VCAN: variants seen among roughly 807,000 people sequenced by gnomAD.
The protein encoded by VCAN is versican, also known as versican core protein.
In VCAN, 44 loss-of-function variants were observed where a neutral mutation model predicts 245.5. The observed-to-expected ratio is 0.18, with a 90% confidence interval of 0.14 to 0.23. The LOEUF (loss-of-function observed/expected upper bound fraction) is 0.23, where lower values mean the gene tolerates loss of function less well. Among genes scored for constraint, VCAN ranks in the 10% least tolerant of loss-of-function variants. The probability of loss-of-function intolerance (pLI) is 1.00; values close to 1 mark genes in which losing one functional copy is unlikely to be tolerated. For missense variants in VCAN, 3,793 were observed against 4,057.9 expected (o/e 0.93, Z 1.77); for synonymous variants, 1,413 against 1,437.0 (o/e 0.98, Z 0.38).
chr5:83,521,427 A>C lies in VCAN; in HGVS notation c.3121A>C (p.Thr1041Pro). The change falls in exon 7 of 15, where the codon ACT becomes CCT. Residue 1041 changes from threonine (T) to proline (P), a missense_variant. Physicochemically the swap from Thr to Pro is conservative, Grantham distance 38. This residue lies in a region of VCAN where 3,182 missense variants were observed against 3,250.3 expected (regional missense o/e 0.98). Coordinates refer to ENST00000265077, the MANE Select transcript of VCAN (RefSeq NM_004385.5). The stretch of plus-strand genomic sequence containing the variant: ...GGAAGAATTCCCTTGGAAAGAACAG[A>C]CTGCAGAGAAACCAGTTCCTGCTCT... ...TQEEFPWKEQ[T>P]AEKPVPALSS... 6.2e-7 allele frequency: 1 copy of C among 1,614,150 alleles called. No individual in the cohort carries two copies. Among genetic ancestry groups the C allele is most frequent in the Non-Finnish European group, 8.5e-7 (1 of 1,180,000 alleles).
chr5:83,558,669 C>T (rs964993601), intron 12 of VCAN, among the ~76,000 whole-genome samples: 4 of 152,090 alleles, frequency 2.6e-5, no homozygotes, highest in Non-Finnish European at 4.4e-5. Context: ...TTATGCTATA[C>T]AGCTAGACTA....
chr5:83,519,509 T>C lies in VCAN; in HGVS notation c.1203T>C (p.Ile401=), dbSNP rs767911188. 7.4e-6 allele frequency: 12 copies of C among 1,613,992 alleles called. No homozygotes were observed. In the South Asian group the frequency reaches 1.2e-4, roughly 16 times the overall value. The change falls in exon 7 of 15, where the codon ATT becomes ATC. Residue 401 remains isoleucine, a synonymous_variant. Transcript: ENST00000265077. ...CAGAGTTCCCTCCCGTGGGAAATAT[T>C]GTCAGTTTTGAACAGAAAGCCACAG... ...IPTEFPPVGN[I]VSFEQKATVQ...
chr5:83,513,909 C>A, intron 6 of VCAN, among the ~76,000 whole-genome samples: 1 of 152,082 alleles, frequency 6.6e-6, no homozygotes, highest in Admixed American at 6.6e-5. Context: ...TCCAGCCTGA[C>A]TTCCTTATTT....
chr5:83,548,131 T>G, intron 10 of VCAN, 47 bp downstream of exon 10: 3 of 1,524,934 alleles, frequency 2.0e-6, no homozygotes, highest in Non-Finnish European at 2.7e-6. Context: ...TTGATTTTTT[T>G]TTAGCAATTT....
chr5:83,531,410 G>GT, intron 7 of VCAN: 1 of 152,000 alleles, frequency 6.6e-6, no homozygotes, highest in Non-Finnish European at 1.5e-5. Context: ...TGGAGGTTTT[G>GT]TTTTTTCTAA....
chr5:83,568,788 C>T (rs1748177046), intron 12 of VCAN, among the ~76,000 whole-genome samples: 1 of 152,048 alleles, frequency 6.6e-6, no homozygotes, highest in African/African-American at 2.4e-5. Flanking sequence ...TGGAAAATAT[C>T]ATAAGTAAGA....
chr5:83,488,141 C>T (rs1353242929), intron 2 of VCAN, among the ~76,000 whole-genome samples: 1 of 152,134 alleles, frequency 6.6e-6, no homozygotes, highest in South Asian at 2.1e-4. Flanking sequence ...AAATTCTCAC[C>T]CTTTCTCTTC....
In VCAN at chr5:83,509,096, G is replaced by A. The variant is rs35357412; in HGVS notation, c.749-3007G>A. 2.2e-3 allele frequency among the ~76,000 whole-genome samples: 218 copies of A among 99,146 alleles called. 2 individuals carry two copies. Among genetic ancestry groups the A allele is most frequent in the Non-Finnish European group, 9.6e-4 (44 of 45,904 alleles). 65.0% of individuals were successfully genotyped at this position (99,146 alleles called of 152,430 possible). ...GAAAGAAAGAAAGAGAAAGAAAGAA[G>A]GAAGGAAGGAAGGAAAGAAAGAAAG... On this transcript the variant is annotated intron_variant, in intron 5 of 14. Transcript: ENST00000265077.
chr5:83,488,959 A>G (rs1358140476), intron 2 of VCAN, among the ~76,000 whole-genome samples: 5 of 152,192 alleles, frequency 3.3e-5, no homozygotes, highest in Admixed American at 6.5e-5. Flanking sequence ...TCTCCATAGT[A>G]TCTTCTTGCA....
chr5:83,499,275 T>A (rs570689580), intron 5 of VCAN, among the ~76,000 whole-genome samples: 62 of 152,312 alleles, frequency 4.1e-4, no homozygotes, highest in African/African-American at 1.4e-3. Context: ...TAAAATGTTA[T>A]ATGTTTGTTT....
At position 83,490,353 on chromosome 5, in the gene VCAN, C is replaced by A; in HGVS notation, c.326C>A (p.Ala109Asp). The A allele has an allele frequency of 6.2e-7, 1 of 1,614,216 alleles. No individual in the cohort carries two copies. The highest frequency in any genetic ancestry group is 8.5e-7 in the Non-Finnish European group (1 of 1,180,038). The change falls in exon 3 of 15, where the codon GCT (alanine) becomes GAT (aspartate). Residue 109 changes from alanine (A) to aspartate (D), a missense_variant. Ala to Asp is a moderately radical substitution (Grantham distance 126, BLOSUM62 -2). Coordinates refer to ENST00000265077, the MANE Select transcript of VCAN (RefSeq NM_004385.5). Reference protein sequence around the residue: ...GRVSVPTHPEAVGDASLTVVK... With the variant: ...GRVSVPTHPEDVGDASLTVVK... ...GTGTCTGTGCCCACACATCCCGAGG[C>A]TGTGGGCGATGCCTCCCTCACTGTG...
rs1744206328 is a variant in VCAN at position 83,471,954 on chromosome 5, C to T, written c.-76C>T. On this transcript the variant is annotated 5_prime_UTR_variant, in exon 1 of 15. Transcript: ENST00000265077. Reference sequence around the variant, plus strand: ...ACGCTTCCTATGTGACCCGCCTGGGCAACGCCGAACCCAGTCGCGCAGCGC... The same window carrying T: ...ACGCTTCCTATGTGACCCGCCTGGGTAACGCCGAACCCAGTCGCGCAGCGC... 1 of 391,228 alleles carries T rather than the reference C, an allele frequency of 2.6e-6. No homozygotes were observed. The highest frequency in any genetic ancestry group is 4.5e-6 in the Non-Finnish European group (1 of 221,972). 24.2% of individuals were successfully genotyped at this position (391,228 alleles called of 1,614,324 possible). A position where few individuals can be genotyped will look rare whatever the true frequency, so the allele number is the denominator to read the frequency against.
chr5:83,516,490 T>G (rs768166823), intron 6 of VCAN, among the ~76,000 whole-genome samples: 3 of 152,214 alleles, frequency 2.0e-5, no homozygotes, highest in Admixed American at 6.5e-5. Context: ...TAAGTTTTAT[T>G]AGGAAAATCT....
Position 83,580,409 on chromosome 5 carries a change from G to A in VCAN, c.10166G>A (p.Arg3389Gln). ...NTSKHDHRWSRRWQESRR is the reference protein window; with the variant it reads ...NTSKHDHRWSQRWQESRR The stretch of plus-strand genomic sequence containing the variant: ...TCCAAACATGATCATCGTTGGAGCC[G>A]GAGGTGGCAGGAGTCGAGGCGCTGA... The change falls in exon 15 of 15, where the codon CGG becomes CAG. Residue 3389 changes from arginine (R) to glutamine (Q), a missense_variant. Arg to Gln is a conservative substitution (Grantham distance 43, BLOSUM62 1). Coordinates refer to ENST00000265077, the MANE Select transcript of VCAN (RefSeq NM_004385.5). The A allele has an allele frequency of 1.9e-6, 3 of 1,613,786 alleles. No individual in the cohort carries two copies. The highest frequency in any genetic ancestry group is 1.1e-5 in the South Asian group (1 of 91,060).
chr5:83,530,303 A>G (rs1746467466), intron 7 of VCAN, among the ~76,000 whole-genome samples: 2 of 152,150 alleles, frequency 1.3e-5, no homozygotes, highest in Admixed American at 1.3e-4. Context: ...TTGCATATTT[A>G]TAGAATGAAT....
rs1294374476 is a variant in VCAN at position 83,582,277 on chromosome 5, A to T, written c.*1843A>T. 2 of 152,188 alleles carry T rather than the reference A, an allele frequency of 1.3e-5. No individual in the cohort carries two copies. Among genetic ancestry groups the T allele is most frequent in the Admixed American group, 6.5e-5 (1 of 15,270 alleles). 9.4% of individuals were successfully genotyped at this position (152,188 alleles called of 1,614,324 possible). A position where few individuals can be genotyped will look rare whatever the true frequency, so the allele number is the denominator to read the frequency against. On this transcript the variant is annotated 3_prime_UTR_variant, in exon 15 of 15. Coordinates refer to ENST00000265077, the MANE Select transcript of VCAN (RefSeq NM_004385.5). ...TATATCTGCTTTTGTTTCACCAAAG[A>T]AACCTAAAATCCTTCTTTTACTACA...
intron 1 of VCAN, among the ~76,000 whole-genome samples, chr5:83,478,787 T>G (rs1315021149): frequency 6.6e-6 from 1 of 152,236 alleles, no homozygotes; most frequent in Non-Finnish European, 1.5e-5. Flanking sequence ...TTCTAGGCAT[T>G]GTGGATACAG....
In VCAN at chr5:83,537,131, T is replaced by C; in HGVS notation, c.4128T>C (p.Pro1376=). 6.2e-7 allele frequency: 1 copy of C among 1,613,850 alleles called. No individual in the cohort carries two copies. Among genetic ancestry groups the C allele is most frequent in the Non-Finnish European group, 8.5e-7 (1 of 1,179,868 alleles). ...TGGCTGAAATTTTACCTGAATTCCC[T>C]GACATAATTGAAATAGACCTATACC... ...DLMAEILPEF[P]DIIEIDLYHS... The change falls in exon 8 of 15, where the codon CCT becomes CCC. Residue 1376 remains proline (P), a synonymous_variant. Transcript: ENST00000265077.
At chr5:83,571,276 T>A (rs1280688224) in intron 12 of VCAN, among the ~76,000 whole-genome samples, 2 of 152,202 alleles carry the variant, frequency 1.3e-5, no homozygotes. Context: ...TCAAAGTTTG[T>A]TATTCTTGAA....
Sources: gnomAD v4.1 joint callset for allele counts (sites outside exome capture counted in the v4.1 genomes callset) on GRCh38, gnomAD v4.1.1 for gene constraint, gnomAD v4.1.1 regional missense constraint, MANE v1.5 for transcripts, NCBI Gene and HGNC (gene_info 2026-07-23, HGNC 2026-07-21) for gene names.